Variants in PARD3B observed in about 807,000 individuals in gnomAD.
PARD3B encodes the protein par-3 family cell polarity regulator beta, also known as partitioning defective 3 homolog B.
In PARD3B, 103 loss-of-function variants were observed where a neutral mutation model predicts 130.2. That is an observed-to-expected ratio of 0.79 (90% CI 0.67 to 0.93). The LOEUF (loss-of-function observed/expected upper bound fraction) is 0.93, where lower values mean the gene tolerates loss of function less well. Ranked by LOEUF, PARD3B falls within the 40% of genes least tolerant of loss-of-function variation. The pLI is 0.00. For synonymous variants in PARD3B, 583 were observed against 553.2 expected (o/e 1.05, Z -0.76); for missense variants, 1,609 against 1,499.2 (o/e 1.07, Z -1.21).
intron 2 of PARD3B, among the ~76,000 whole-genome samples, chr2:204,719,194 C>T (rs941442775): frequency 6.6e-6 from 1 of 152,128 alleles, no homozygotes; most frequent in African/African-American, 2.4e-5. Context: ...TTCGAAAGCA[C>T]ATCTTGTGGA....
intron 21 of PARD3B, among the ~76,000 whole-genome samples, chr2:205,514,833 C>CTTTTTTTT (rs5837976): frequency 7.3e-6 from 1 of 136,062 alleles, no homozygotes; most frequent in Non-Finnish European, 1.6e-5. Flanking sequence ...TCTTACAGTT[C>CTTTTTTTT]TTTTTTTTTT....
chr2:205,373,955 T>C (rs1389479567), intron 18 of PARD3B, among the ~76,000 whole-genome samples: 1 of 152,204 alleles, frequency 6.6e-6, no homozygotes, highest in Non-Finnish European at 1.5e-5. Flanking sequence ...TCTCTTTTCT[T>C]ATTCTGTCTT....
In PARD3B at chr2:205,568,205, T is replaced by C. The variant is rs753473843; in HGVS notation, c.3260+14802T>C. 6.6e-6 allele frequency among the ~76,000 whole-genome samples: 1 copy of C among 152,110 alleles called. No homozygotes were observed. Among genetic ancestry groups the C allele is most frequent in the Admixed American group, 6.5e-5 (1 of 15,270 alleles). Reference sequence around the variant, plus strand: ...AGGCTCAGGGTTCAAAGCAGATCAGTTGTGGTTGCCTTTCGTGAGAGAAAA... The same window carrying C: ...AGGCTCAGGGTTCAAAGCAGATCAGCTGTGGTTGCCTTTCGTGAGAGAAAA... On this transcript the variant is annotated intron_variant, in intron 22 of 22. Transcript: ENST00000406610. The surrounding 1 kb of genome is among the most constrained non-coding windows in gnomAD (Gnocchi z 5.3).
intron 2 of PARD3B, among the ~76,000 whole-genome samples, chr2:204,895,373 C>T (rs1356254280): frequency 6.6e-6 from 1 of 152,020 alleles, no homozygotes; most frequent in African/African-American, 2.4e-5. Context: ...TATAACTTTG[C>T]ATTACCTAGC....
chr2:205,264,375 A>C (rs1243835041), intron 16 of PARD3B, among the ~76,000 whole-genome samples: 1 of 151,098 alleles, frequency 6.6e-6, no homozygotes, highest in Non-Finnish European at 1.5e-5. Flanking sequence ...GATCAGTCTC[A>C]TTTTTGCTAT....
At chr2:205,483,216 T>C (rs917833276) in intron 20 of PARD3B, among the ~76,000 whole-genome samples, 3 of 152,222 alleles carry the variant, frequency 2.0e-5, no homozygotes, top group South Asian at 2.1e-4. Flanking sequence ...TGGAACACTT[T>C]GGGTTTTGTG....
intron 19 of PARD3B, among the ~76,000 whole-genome samples, chr2:205,411,409 T>A (rs2046593540): frequency 6.6e-6 from 1 of 152,158 alleles, no homozygotes; most frequent in Admixed American, 6.5e-5. Flanking sequence ...ATGGAAAGAT[T>A]ACAAGGCCCA....
chr2:205,185,272 G>GTA (rs1190134879), intron 13 of PARD3B, among the ~76,000 whole-genome samples: 6 of 152,042 alleles, frequency 3.9e-5, no homozygotes, highest in Non-Finnish European at 8.8e-5. Context: ...TTGTGTGTGT[G>GTA]TGTGTGTGTG....
chr2:204,833,363 A>G (rs1432018060), intron 2 of PARD3B, among the ~76,000 whole-genome samples: 1 of 152,190 alleles, frequency 6.6e-6, no homozygotes, highest in East Asian at 1.9e-4. Context: ...TTAACACAGC[A>G]GAGCCAGAAC....
chr2:205,289,014 G>C (rs1371160945), intron 16 of PARD3B, among the ~76,000 whole-genome samples: 1 of 152,146 alleles, frequency 6.6e-6, no homozygotes, highest in Non-Finnish European at 1.5e-5. Flanking sequence ...GGTGTCATGG[G>C]TTAGTCTGAT....
chr2:205,083,334 G>GAAAA (rs55665658), intron 4 of PARD3B, among the ~76,000 whole-genome samples: 1 of 140,070 alleles, frequency 7.1e-6, no homozygotes, highest in Non-Finnish European at 1.6e-5. Context: ...TTTAAGAATA[G>GAAAA]AAAAAAAAAA....
At chr2:204,847,089 A>G (rs568183268) in intron 2 of PARD3B, among the ~76,000 whole-genome samples, 146 of 152,044 alleles carry the variant, frequency 9.6e-4, no homozygotes, top group Non-Finnish European at 1.8e-3. Flanking sequence ...ACGTATTTCT[A>G]TATCCTGAAA....
chr2:204,593,496 GC>G (rs1161379625), intron 1 of PARD3B, among the ~76,000 whole-genome samples: 1 of 152,120 alleles, frequency 6.6e-6, no homozygotes, highest in Non-Finnish European at 1.5e-5. Context: ...CTTCCAAGGG[GC>G]AAATTTTCGA....
At chr2:205,192,867 C>G (rs1031726921) in intron 14 of PARD3B, among the ~76,000 whole-genome samples, 1 of 152,168 alleles carries the variant, frequency 6.6e-6, no homozygotes, top group Non-Finnish European at 1.5e-5. Context: ...TGCTAATATC[C>G]AGTGACATCT....
At chr2:205,141,769 T>G (rs2032975324) in intron 10 of PARD3B, among the ~76,000 whole-genome samples, 1 of 152,176 alleles carries the variant, frequency 6.6e-6, no homozygotes, top group Non-Finnish European at 1.5e-5. Flanking sequence ...TTGATGATGG[T>G]GATGGTGGTT....
Position 204,682,695 on chromosome 2 carries a change from C to T in PARD3B, c.121-3486C>T, listed in dbSNP as rs936469205. ...CAGCACTCTCCCCACTTTGGGACCT[C>T]GCTGCCATTGCAGGCTGTTTTTTCT... is the stretch of plus-strand genomic sequence containing the variant. On this transcript the variant is annotated intron_variant, in intron 1 of 22. Transcript: ENST00000406610. Among the ~76,000 whole-genome samples, 4 of 152,298 alleles carry T rather than the reference C, an allele frequency of 2.6e-5. No individual in the cohort carries two copies. The East Asian group carries it at 5.8e-4, about 22-fold the overall frequency.
intron 2 of PARD3B, among the ~76,000 whole-genome samples, chr2:204,884,665 G>A (rs2046206458): frequency 2.0e-5 from 3 of 152,092 alleles, no homozygotes; most frequent in Admixed American, 2.0e-4. Flanking sequence ...GCATCCATGT[G>A]TTCTCATCAT....
At chr2:204,762,178 G>C (rs972521498) in intron 2 of PARD3B, among the ~76,000 whole-genome samples, 4 of 133,378 alleles carry the variant, frequency 3.0e-5, no homozygotes, top group Non-Finnish European at 6.1e-5. Context: ...TCGGAGTGCA[G>C]TGGCACAATC....
At chr2:204,548,953 A>G (rs991653108) in intron 1 of PARD3B, among the ~76,000 whole-genome samples, 1 of 152,214 alleles carries the variant, frequency 6.6e-6, no homozygotes, top group Non-Finnish European at 1.5e-5. Flanking sequence ...GGAGAAAGAC[A>G]GGTTTCAAGA....
Sources: allele counts gnomAD v4.1 joint callset (sites outside exome capture counted in the v4.1 genomes callset), GRCh38; gene constraint gnomAD v4.1.1; non-coding constraint Gnocchi (gnomAD v3.1); transcripts MANE v1.5; gene names NCBI Gene and HGNC (gene_info 2026-07-23, HGNC 2026-07-21).